The following FGF7 variants were observed in gnomAD, a reference collection of about 807,000 sequenced individuals.
FGF7 encodes the protein FGF-7.
In FGF7, 6 loss-of-function variants were observed where a neutral mutation model predicts 20.5. The ratio of observed to expected loss-of-function variants is 0.29; its 90% CI spans 0.16 to 0.58. The LOEUF (loss-of-function observed/expected upper bound fraction) is 0.58, where lower values mean the gene tolerates loss of function less well. FGF7 is among the 20% of genes least tolerant of loss of function. The pLI, the probability that FGF7 is intolerant of heterozygous loss-of-function variation, is 0.90. For synonymous variants in FGF7, 64 were observed against 74.7 expected, an observed-to-expected ratio of 0.86 and a Z score of 0.74; for missense variants, 144 against 228.8, an observed-to-expected ratio of 0.63 and a Z score of 2.39.
chr15:49,439,658 C>G (rs535754813), intron 2 of FGF7, among the ~76,000 whole-genome samples: 3 of 151,772 alleles, frequency 2.0e-5, no homozygotes, highest in Non-Finnish European at 4.4e-5. Flanking sequence ...AAGTAGATAG[C>G]TTTCCTTATT....
At chr15:49,437,601 C>T (rs889973261) in intron 2 of FGF7, among the ~76,000 whole-genome samples, 2 of 151,518 alleles carry the variant, frequency 1.3e-5, no homozygotes, top group Non-Finnish European at 3.0e-5. Context: ...TTATTTGTGA[C>T]CTGATTAACT....
At chr15:49,428,278 C>T (rs2050298668) in intron 2 of FGF7, among the ~76,000 whole-genome samples, 1 of 151,898 alleles carries the variant, frequency 6.6e-6, no homozygotes. Flanking sequence ...AGTGGGTTTC[C>T]AGGTGATGAA....
chr15:49,425,184 A>G (rs1308208859), intron 2 of FGF7: 1 of 151,990 alleles, frequency 6.6e-6, no homozygotes, highest in Non-Finnish European at 1.5e-5. Flanking sequence ...AGAAAAACAG[A>G]TCTCTCCTAA....
Position 49,437,099 on chromosome 15 carries a change from T to C in FGF7, c.286+12516T>C, listed in dbSNP as rs564692848. 9.0e-4 allele frequency among the ~76,000 whole-genome samples: 137 copies of C among 151,732 alleles called. 5 individuals carry two copies. In the South Asian group the frequency reaches 0.027, roughly 30 times the overall value. ...TCCTGACATTTATTAAAACTATTTA[T>C]ACTTCTGTTCTTTAGGGTCTGGAAA... On this transcript the variant is annotated intron_variant, in intron 2 of 3. Transcript: ENST00000267843.
Position 49,485,761 on chromosome 15 carries a change from T to C in FGF7, c.*1257T>C, listed in dbSNP as rs1013820560. ...TAAGTAAAATCATTACAAATATAAGTATTTACAGGATTTTAAAGTTAGAAT... is the reference window on the plus strand; with the variant it reads ...TAAGTAAAATCATTACAAATATAAGCATTTACAGGATTTTAAAGTTAGAAT... On this transcript the variant is annotated 3_prime_UTR_variant, in exon 4 of 4. Coordinates refer to ENST00000267843, the MANE Select transcript of FGF7 (RefSeq NM_002009.4). The C allele has an allele frequency of 6.6e-6, 1 of 152,408 alleles. No individual in the cohort carries two copies. The highest frequency in any genetic ancestry group is 1.9e-4 in the East Asian group (1 of 5,198). 9.4% of individuals were successfully genotyped at this position (152,408 alleles called of 1,614,324 possible).
intron 2 of FGF7, among the ~76,000 whole-genome samples, chr15:49,430,788 C>G (rs1037036623): frequency 2.6e-5 from 4 of 151,778 alleles, no homozygotes; most frequent in Admixed American, 1.3e-4. Flanking sequence ...GAGGTTGAAG[C>G]CTTCATGGCC....
intron 2 of FGF7, chr15:49,425,378 C>T (rs1050560335): frequency 1.3e-5 from 2 of 151,870 alleles, no homozygotes; most frequent in Admixed American, 1.3e-4. Flanking sequence ...TTGTGTTTTG[C>T]ATTTAATGGT....
At chr15:49,466,102 G>A (rs2054245928) in intron 2 of FGF7, among the ~76,000 whole-genome samples, 1 of 152,178 alleles carries the variant, frequency 6.6e-6, no homozygotes, top group African/African-American at 2.4e-5. Flanking sequence ...GATGACAACA[G>A]ATTAGGAAAC....
intron 2 of FGF7, among the ~76,000 whole-genome samples, chr15:49,428,921 A>T (rs559439830): frequency 1.1e-4 from 17 of 152,172 alleles, no homozygotes; most frequent in South Asian, 6.2e-4. Flanking sequence ...GCAAAAGGCA[A>T]ATAAACACAG....
rs1382089364 is a variant in FGF7 at position 49,425,692 on chromosome 15, A to G, written c.286+1109A>G. 2.0e-5 allele frequency among the ~76,000 whole-genome samples: 3 copies of G among 152,036 alleles called. No individual in the cohort carries two copies. In the East Asian group the frequency reaches 5.8e-4, roughly 29 times the overall value. Reference sequence around the variant, plus strand: ...GGGTTCTGAACTAATCAACCAATCAATGGGAATTTCAGAGAATTATGTTTC... The same window carrying G: ...GGGTTCTGAACTAATCAACCAATCAGTGGGAATTTCAGAGAATTATGTTTC... On this transcript the variant is annotated intron_variant, in intron 2 of 3. Coordinates refer to ENST00000267843, the MANE Select transcript of FGF7 (RefSeq NM_002009.4).
At chr15:49,426,322 C>T (rs56199525) in intron 2 of FGF7, among the ~76,000 whole-genome samples, 3,958 of 151,850 alleles carry the variant, frequency 0.026, 104 homozygotes, top group South Asian at 0.13. Flanking sequence ...TCTCACACAA[C>T]GAATGAGATG....
At chr15:49,461,101 A>G (rs1461258665) in intron 2 of FGF7, among the ~76,000 whole-genome samples, 1 of 152,072 alleles carries the variant, frequency 6.6e-6, no homozygotes, top group Non-Finnish European at 1.5e-5. Flanking sequence ...TTTCTCCCTG[A>G]CTTAAATATC....
chr15:49,469,484 A>C (rs886934079), intron 2 of FGF7, among the ~76,000 whole-genome samples: 1 of 152,098 alleles, frequency 6.6e-6, no homozygotes, highest in Non-Finnish European at 1.5e-5. Flanking sequence ...TTGGCTTTTC[A>C]TGGCACAATT....
chr15:49,487,572 C>T lies in FGF7; in HGVS notation c.*3068C>T, dbSNP rs1276608464. The T allele has an allele frequency of 1.3e-5, 2 of 151,740 alleles. No homozygotes were observed. Among genetic ancestry groups the T allele is most frequent in the Admixed American group, 1.3e-4 (2 of 15,214 alleles). The allele number at this position is 151,740 out of a possible 1,614,324, so 9.4% of individuals were successfully genotyped here. ...TTGCTCTTCTGGTTCTCTAGACTGC[C>T]AAAGAACATAAAGATGTGCGAGGGG... On this transcript the variant is annotated 3_prime_UTR_variant, in exon 4 of 4. Transcript: ENST00000267843.
At chr15:49,472,715 C>T (rs2054888277) in intron 2 of FGF7, among the ~76,000 whole-genome samples, 1 of 151,836 alleles carries the variant, frequency 6.6e-6, no homozygotes, top group Non-Finnish European at 1.5e-5. Context: ...AAAGATATGA[C>T]AAGAAGAGAA....
At chr15:49,466,344 C>A (rs375885615) in intron 2 of FGF7, among the ~76,000 whole-genome samples, 13 of 152,080 alleles carry the variant, frequency 8.5e-5, no homozygotes, top group African/African-American at 3.1e-4. Context: ...ATTCCAGGAA[C>A]TGGTAGGCAG....
chr15:49,471,795 G>A (rs2151968534), intron 2 of FGF7, among the ~76,000 whole-genome samples: 1 of 152,196 alleles, frequency 6.6e-6, no homozygotes, highest in East Asian at 1.9e-4. Flanking sequence ...AGTTTGCTGA[G>A]TGGGGAGCTG....
rs370991026 is a variant in FGF7, at chr15:49,435,342, T to C, written c.286+10759T>C. On this transcript the variant is annotated intron_variant, in intron 2 of 3. Coordinates refer to ENST00000267843, the MANE Select transcript of FGF7 (RefSeq NM_002009.4). The stretch of plus-strand genomic sequence containing the variant: ...GCATGTAAGGACAAAATTATGAAGG[T>C]TATCTACCACATTCTTTAAGATAAG... Among the ~76,000 whole-genome samples the C allele has an allele frequency of 2.6e-5, 4 of 151,496 alleles. No individual in the cohort carries two copies. The East Asian group carries it at 5.8e-4, about 22-fold the overall frequency.
In FGF7 at chr15:49,480,059, T is replaced by C. The variant is rs1332538109; in HGVS notation, c.287-3092T>C. ...GAGGGTTGTAGGACATGGAACAAAA[T>C]AGACTAGAAAATAGGGTTGATAAGC... is the stretch of plus-strand genomic sequence containing the variant. On this transcript the variant is annotated intron_variant, in intron 2 of 3. Coordinates refer to ENST00000267843, the MANE Select transcript of FGF7 (RefSeq NM_002009.4). Among the ~76,000 whole-genome samples, 5 of 152,284 alleles carry C rather than the reference T, an allele frequency of 3.3e-5. 1 individual carries two copies. Among genetic ancestry groups the C allele is most frequent in the South Asian group, 4.1e-4 (2 of 4,828 alleles).
Sources: gnomAD v4.1 joint callset for allele counts (sites outside exome capture counted in the v4.1 genomes callset) on GRCh38, gnomAD v4.1.1 for gene constraint, MANE v1.5 for transcripts, NCBI Gene and HGNC (gene_info 2026-07-23, HGNC 2026-07-21) for gene names.